The following ANKS1B variants were observed in gnomAD, a reference collection of about 807,000 sequenced individuals.
ANKS1B encodes ankyrin repeat and sterile alpha motif domain containing 1B, also known as ankyrin repeat and sterile alpha motif domain-containing protein 1B.
Under a neutral mutation model 148.3 loss-of-function variants are expected in ANKS1B, and 36 were observed. The observed-to-expected ratio is 0.24, with a 90% CI of 0.19 to 0.32. The LOEUF (loss-of-function observed/expected upper bound fraction) is 0.32. Ranked by LOEUF, ANKS1B falls within the 10% of genes least tolerant of loss-of-function variation. ANKS1B has a pLI of 1.00. For synonymous variants in ANKS1B, 542 were observed against 560.8 expected (o/e 0.97, Z 0.47); for missense variants, 1,157 against 1,542.6 (o/e 0.75, Z 4.19).
chr12:99,250,400 C>A (rs1195644039), intron 12 of ANKS1B, among the ~76,000 whole-genome samples: 2 of 152,178 alleles, frequency 1.3e-5, no homozygotes, highest in African/African-American at 4.8e-5. Context: ...CCCTCCACAG[C>A]AAGAGCTCAA....
intron 16 of ANKS1B, among the ~76,000 whole-genome samples, chr12:99,053,822 G>C: frequency 6.6e-6 from 1 of 152,214 alleles, no homozygotes; most frequent in East Asian, 1.9e-4. Context: ...TACTGCTGCG[G>C]TGAACCAGTA....
chr12:98,935,960 C>T (rs1389355899), intron 17 of ANKS1B, among the ~76,000 whole-genome samples: 4 of 152,142 alleles, frequency 2.6e-5, no homozygotes, highest in Non-Finnish European at 5.9e-5. Context: ...TTAGTCAACA[C>T]CTTTTCCAGC....
intron 9 of ANKS1B, among the ~76,000 whole-genome samples, chr12:99,519,951 CTCTACACTTT>C (rs2096858724): frequency 6.6e-6 from 1 of 151,984 alleles, no homozygotes; most frequent in Admixed American, 6.6e-5. Context: ...CTAATGAAGG[CTCTACACTTT>C]AACTTTGTCT....
chr12:99,148,630 A>C (rs1169627719), intron 15 of ANKS1B, among the ~76,000 whole-genome samples: 1 of 152,116 alleles, frequency 6.6e-6, no homozygotes, highest in Non-Finnish European at 1.5e-5. Flanking sequence ...CTTCTAGACT[A>C]CTCATTAGAT....
intron 16 of ANKS1B, among the ~76,000 whole-genome samples, chr12:99,062,858 C>T (rs1359115918): frequency 6.6e-6 from 1 of 152,072 alleles, no homozygotes; most frequent in African/African-American, 2.4e-5. Context: ...GACACTTTGC[C>T]CTCCTTTCTT....
chr12:99,109,080 C>G (rs2059783863), intron 15 of ANKS1B, among the ~76,000 whole-genome samples: 1 of 152,150 alleles, frequency 6.6e-6, no homozygotes, highest in Non-Finnish European at 1.5e-5. Context: ...TCTTCTCGCT[C>G]TGATACCTGC....
At chr12:99,298,229 G>T (rs10860416) in intron 12 of ANKS1B, among the ~76,000 whole-genome samples, 108,390 of 152,078 alleles carry the variant, frequency 0.71, 38,766 homozygotes, top group African/African-American at 0.8. Context: ...AATGATATGG[G>T]CTGGCTGTGT....
chr12:99,911,435 G>T lies in ANKS1B; in HGVS notation c.134+72669C>A, dbSNP rs544611655. Among the ~76,000 whole-genome samples the T allele has an allele frequency of 5.3e-5, 8 of 152,222 alleles. No individual in the cohort carries two copies. The South Asian group carries it at 1.7e-3, about 32-fold the overall frequency. ...TCAGCTTAAAAGTCCATTTGTCCAA[G>T]AAAAACTTACTTAAAAATCTGAGTC... On this transcript the variant is annotated intron_variant, in intron 1 of 26. Transcript: ENST00000683438.
At chr12:99,230,650 T>C (rs1195368338) in intron 14 of ANKS1B, among the ~76,000 whole-genome samples, 1 of 152,160 alleles carries the variant, frequency 6.6e-6, no homozygotes, top group Non-Finnish European at 1.5e-5. Context: ...TTATTTTTGC[T>C]TTTAAACACT....
intron 22 of ANKS1B, among the ~76,000 whole-genome samples, chr12:98,792,930 T>C (rs969438546): frequency 6.6e-6 from 1 of 152,226 alleles, no homozygotes; most frequent in African/African-American, 2.4e-5. Flanking sequence ...AGAGTAAACA[T>C]GGAGGTGCAG....
intron 12 of ANKS1B, among the ~76,000 whole-genome samples, chr12:99,275,666 T>C (rs955266954): frequency 6.6e-6 from 1 of 152,238 alleles, no homozygotes; most frequent in African/African-American, 2.4e-5. Context: ...AGTGCATTTA[T>C]CTCTTCAGTA....
chr12:99,792,182 A>G (rs925931045), intron 4 of ANKS1B, among the ~76,000 whole-genome samples: 1 of 151,946 alleles, frequency 6.6e-6, no homozygotes, highest in Non-Finnish European at 1.5e-5. Context: ...ACAATCTACT[A>G]AAATTGAACC....
intron 12 of ANKS1B, among the ~76,000 whole-genome samples, chr12:99,329,516 G>A (rs1346858729): frequency 3.3e-5 from 5 of 151,686 alleles, no homozygotes; most frequent in Admixed American, 3.3e-4. Flanking sequence ...ATAATTTTAA[G>A]CCATTTTCCA....
chr12:99,895,760 T>C lies in ANKS1B; in HGVS notation c.135-70371A>G, dbSNP rs1163738881. ...AGGCCAAAACCCTTACTCAGAGTAATTGGCCTACAATTTCAGCCTCTTTTC... is the reference window on the plus strand; with the variant it reads ...AGGCCAAAACCCTTACTCAGAGTAACTGGCCTACAATTTCAGCCTCTTTTC... On this transcript the variant is annotated intron_variant, in intron 1 of 26. Transcript: ENST00000683438. Among the ~76,000 whole-genome samples, 2 of 150,988 alleles carry C rather than the reference T, an allele frequency of 1.3e-5. 1 individual carries two copies. Among genetic ancestry groups the C allele is most frequent in the Non-Finnish European group, 3.0e-5 (2 of 67,480 alleles).
intron 19 of ANKS1B, among the ~76,000 whole-genome samples, chr12:98,826,142 T>C (rs1178591488): frequency 6.6e-6 from 1 of 152,196 alleles, no homozygotes; most frequent in Non-Finnish European, 1.5e-5. Context: ...TTCAGATGTA[T>C]TTATATCATT....
intron 11 of ANKS1B, among the ~76,000 whole-genome samples, chr12:99,432,990 G>A (rs2095402977): frequency 6.6e-6 from 1 of 152,120 alleles, no homozygotes; most frequent in African/African-American, 2.4e-5. Context: ...TGAATAACGT[G>A]ATCTGATTTA....
At chr12:99,480,178 T>C (rs539172446) in intron 10 of ANKS1B, among the ~76,000 whole-genome samples, 1 of 151,918 alleles carries the variant, frequency 6.6e-6, no homozygotes, top group Non-Finnish European at 1.5e-5. Flanking sequence ...ATGTGTAAAA[T>C]AATTATATTG....
intron 9 of ANKS1B, among the ~76,000 whole-genome samples, chr12:99,647,201 C>T (rs1208704438): frequency 6.6e-6 from 1 of 151,940 alleles, no homozygotes; most frequent in Non-Finnish European, 1.5e-5. Context: ...CAGTTTTTCT[C>T]TTATTCTTTA....
intron 15 of ANKS1B, among the ~76,000 whole-genome samples, chr12:99,122,997 A>AATAT (rs1555271767): frequency 7.1e-6 from 1 of 141,688 alleles, no homozygotes; most frequent in Non-Finnish European, 1.5e-5. Flanking sequence ...TTAAAAAAAA[A>AATAT]ATATATATAT....
Sources: gnomAD v4.1 joint callset for allele counts (sites outside exome capture counted in the v4.1 genomes callset) on GRCh38, gnomAD v4.1.1 for gene constraint, MANE v1.5 for transcripts, NCBI Gene and HGNC (gene_info 2026-07-23, HGNC 2026-07-21) for gene names.